The following DYDC2 variants were observed in gnomAD, a reference collection of about 807,000 sequenced individuals.
DYDC2 encodes DPY30 domain containing 2.
A neutral mutation model predicts 18.7 loss-of-function variants in DYDC2; 19 were observed. The observed-to-expected ratio is 1.02, with a 90% confidence interval of 0.71 to 1.49. DYDC2 has a LOEUF of 1.49. Among genes scored for constraint, DYDC2 ranks in the 40% most tolerant of loss-of-function variants. DYDC2 has a pLI of 0.00. For missense variants in DYDC2, 179 were observed against 205.1 expected (o/e 0.87, Z 0.78); for synonymous variants, 63 against 67.6 (o/e 0.93, Z 0.34).
Position 80,366,705 on chromosome 10 carries a change from T to C in DYDC2, c.288T>C (p.Thr96=). Residue 96 remains threonine (T), a synonymous_variant, in exon 5 of 5, where the codon ACT becomes ACC. Coordinates refer to ENST00000256039, the MANE Select transcript of DYDC2 (RefSeq NM_032372.6). The stretch of plus-strand genomic sequence containing the variant: ...CTATTTAGGAACTGACTTCTGAAAC[T>C]GTTTCCACGAAGAAGACCATATTCA... ...EKCHKELTSE[T]VSTKKTIFMQ... 1.2e-6 allele frequency: 2 copies of C among 1,603,492 alleles called. No homozygotes were observed. The highest frequency in any genetic ancestry group is 2.2e-5 in the South Asian group (2 of 89,066).
intron 2 of DYDC2, among the ~76,000 whole-genome samples, chr10:80,358,790 T>C (rs545120279): frequency 6.6e-6 from 1 of 152,280 alleles, no homozygotes; most frequent in African/African-American, 2.4e-5. Flanking sequence ...CTCACTGAGT[T>C]CTAGAATGAA....
In DYDC2 at chr10:80,362,958, A is replaced by G. The variant is rs1414855257; in HGVS notation, c.155A>G (p.Glu52Gly). 2 of 1,613,182 alleles carry G rather than the reference A, an allele frequency of 1.2e-6. No individual in the cohort carries two copies. The highest frequency in any genetic ancestry group is 1.7e-6 in the Non-Finnish European group (2 of 1,179,734). ...KTAKAKEENR[E>G]KKIHLQEEYD... ...TCTGTCACCTCACCCCAGAATAGGG[A>G]AAAGAAGATCCACCTGCAGGAGGAA... Residue 52 changes from glutamate (E) to glycine (G), a missense_variant, in exon 4 of 5, where the codon GAA becomes GGA. Physicochemically the swap from Glu to Gly is moderately conservative, Grantham distance 98 (BLOSUM62 -2). Transcript: ENST00000256039.
chr10:80,357,964 C>G lies in DYDC2; in HGVS notation c.-91C>G. 2 of 985,360 alleles carry G rather than the reference C, an allele frequency of 2.0e-6. No homozygotes were observed. The highest frequency in any genetic ancestry group is 2.4e-6 in the Non-Finnish European group (2 of 829,876). 61.0% of individuals were successfully genotyped at this position (985,360 alleles called of 1,614,324 possible). A position where few individuals can be genotyped will look rare whatever the true frequency, so the allele number is the denominator to read the frequency against. On this transcript the variant is annotated 5_prime_UTR_variant, in exon 2 of 5. Coordinates refer to ENST00000256039, the MANE Select transcript of DYDC2 (RefSeq NM_032372.6). ...ACCCCTATTCTTATCACCTTGCCTA[C>G]TGAGTGCAAGTCCAGGAACTGTGTA...
intron 2 of DYDC2, among the ~76,000 whole-genome samples, chr10:80,358,512 T>G (rs183932452): frequency 6.6e-5 from 10 of 152,304 alleles, no homozygotes; most frequent in African/African-American, 2.2e-4. Context: ...AGATCATTGT[T>G]GAAAATGGGC....
At chr10:80,362,836 A>G (rs1272045407) in intron 3 of DYDC2, 115 bp from the exon 4 acceptor site, 8 of 1,398,792 alleles carry the variant, frequency 5.7e-6, no homozygotes, top group South Asian at 2.9e-5. Flanking sequence ...TAGTTACAAG[A>G]GGAAACTCAA....
chr10:80,347,979 G>A (rs1359088103), intron 1 of DYDC2, among the ~76,000 whole-genome samples: 1 of 152,124 alleles, frequency 6.6e-6, no homozygotes, highest in Non-Finnish European at 1.5e-5. Context: ...GGGTTTTTCT[G>A]TTTCTGTGAA....
intron 2 of DYDC2, among the ~76,000 whole-genome samples, chr10:80,358,661 A>C (rs895482117): frequency 6.6e-6 from 1 of 152,196 alleles, no homozygotes; most frequent in South Asian, 2.1e-4. Context: ...GGCAAAGTAG[A>C]TTGGTAACTA....
intron 1 of DYDC2, among the ~76,000 whole-genome samples, chr10:80,346,739 T>A (rs1302680913): frequency 2.0e-5 from 3 of 151,524 alleles, no homozygotes; most frequent in Admixed American, 6.6e-5. Context: ...GGATTACAGG[T>A]GTGAGCCACT....
upstream of DYDC2, among the ~76,000 whole-genome samples, chr10:80,354,941 A>G (rs574829835): frequency 7.2e-5 from 11 of 152,280 alleles, 1 homozygote; most frequent in South Asian, 2.3e-3. Context: ...TGGAGCTTAT[A>G]GATGAGAAAG....
upstream of DYDC2, chr10:80,352,711 C>T: frequency 2.2e-6 from 3 of 1,364,750 alleles, no homozygotes; most frequent in Admixed American, 3.2e-5. Flanking sequence ...TACACCCTGC[C>T]CTCAGTCATG....
At chr10:80,345,367 T>A (rs1482732860) in intron 1 of DYDC2, among the ~76,000 whole-genome samples, 1 of 152,234 alleles carries the variant, frequency 6.6e-6, no homozygotes, top group Non-Finnish European at 1.5e-5. Context: ...ATATAGTGAA[T>A]GCTTACCACA....
At chr10:80,345,534 A>C (rs1842561919) in intron 1 of DYDC2, among the ~76,000 whole-genome samples, 1 of 152,082 alleles carries the variant, frequency 6.6e-6, no homozygotes, top group Non-Finnish European at 1.5e-5. Context: ...TTCATACTAC[A>C]CAATTGCAAT....
In DYDC2 at chr10:80,357,854, C is replaced by T. The variant is rs984050162; in HGVS notation, c.-162-39C>T. ...CAAAGGGAAGCATGAGGGCAGGTGG[C>T]AGAACTCTCTCAATGAATAAGTCAA... On this transcript the variant is annotated intron_variant, in intron 1 of 4. Coordinates refer to ENST00000256039, the MANE Select transcript of DYDC2 (RefSeq NM_032372.6). The T allele has an allele frequency of 5.1e-6, 5 of 985,396 alleles. No homozygotes were observed. In the African/African-American group the frequency reaches 8.7e-5, roughly 17 times the overall value. The allele number at this position is 985,396 out of a possible 1,614,324, so 61.0% of individuals were successfully genotyped here.
intron 2 of DYDC2, among the ~76,000 whole-genome samples, chr10:80,360,673 T>C (rs1843636893): frequency 6.6e-6 from 1 of 152,170 alleles, no homozygotes; most frequent in African/African-American, 2.4e-5. Context: ...TTGGATAAAT[T>C]ATGTCACATA....
At chr10:80,358,855 T>G (rs952263977) in intron 2 of DYDC2, among the ~76,000 whole-genome samples, 1 of 152,142 alleles carries the variant, frequency 6.6e-6, no homozygotes, top group African/African-American at 2.4e-5. Context: ...TGTCCAGAGT[T>G]CGTTCCTTTT....
intron 2 of DYDC2, among the ~76,000 whole-genome samples, chr10:80,361,924 G>A (rs1468746409): frequency 1.3e-5 from 2 of 152,144 alleles, no homozygotes; most frequent in Admixed American, 6.6e-5. Context: ...AGTGATGAAG[G>A]CTATTTACAA....
upstream of DYDC2, among the ~76,000 whole-genome samples, chr10:80,353,389 C>G (rs1176965396): frequency 6.6e-6 from 1 of 151,096 alleles, no homozygotes; most frequent in African/African-American, 2.4e-5. Flanking sequence ...GTCTCGATCT[C>G]CTGACCTCGT....
chr10:80,360,694 C>G (rs1249772979), intron 2 of DYDC2, among the ~76,000 whole-genome samples: 1 of 151,946 alleles, frequency 6.6e-6, no homozygotes, highest in Non-Finnish European at 1.5e-5. Flanking sequence ...ATCTACATTT[C>G]ACATTCAGTT....
upstream of DYDC2, among the ~76,000 whole-genome samples, chr10:80,355,673 G>C (rs1018662299): frequency 6.6e-6 from 1 of 152,112 alleles, no homozygotes; most frequent in African/African-American, 2.4e-5. Flanking sequence ...TGATCTCTAA[G>C]ACACAGAATA....
Sources: allele counts gnomAD v4.1 joint callset (sites outside exome capture counted in the v4.1 genomes callset), GRCh38; gene constraint gnomAD v4.1.1; transcripts MANE v1.5; gene names NCBI Gene and HGNC (gene_info 2026-07-23, HGNC 2026-07-21).